Variants in ATRNL1 observed in about 807,000 individuals in gnomAD.
ATRNL1 encodes the protein attractin-like protein 1.
A neutral mutation model predicts 182.7 loss-of-function variants in ATRNL1; 95 were observed. The ratio of observed to expected loss-of-function variants is 0.52; its 90% CI spans 0.44 to 0.62. The LOEUF (loss-of-function observed/expected upper bound fraction) is 0.62, where lower values mean the gene tolerates loss of function less well. Ranked by LOEUF, ATRNL1 falls within the 20% of genes least tolerant of loss-of-function variation. The pLI is 0.00. For synonymous variants in ATRNL1, 576 were observed against 568.3 expected (o/e 1.01, Z -0.19); for missense variants, 1,471 against 1,679.5 (o/e 0.88, Z 2.17).
chr10:115,259,121 C>G (rs1162594745), intron 10 of ATRNL1, among the ~76,000 whole-genome samples: 2 of 152,220 alleles, frequency 1.3e-5, no homozygotes, highest in Non-Finnish European at 2.9e-5. Flanking sequence ...AGAGCTCAAA[C>G]GCCATGCTGG....
In ATRNL1 at chr10:115,688,823, C is replaced by G. The variant is rs573628369; in HGVS notation, c.3796-38425C>G. 2.0e-5 allele frequency among the ~76,000 whole-genome samples: 3 copies of G among 152,108 alleles called. No homozygotes were observed. The East Asian group carries it at 5.8e-4, about 29-fold the overall frequency. Reference sequence around the variant, plus strand: ...GAAACTTTTAAATTTAGTATTATCCCCCCTTTTTTATGATTGTGCTTTTGA... The same window carrying G: ...GAAACTTTTAAATTTAGTATTATCCGCCCTTTTTTATGATTGTGCTTTTGA... On this transcript the variant is annotated intron_variant, in intron 26 of 28. Transcript: ENST00000355044.
intron 26 of ATRNL1, among the ~76,000 whole-genome samples, chr10:115,685,637 A>G (rs1946192678): frequency 6.6e-6 from 1 of 151,914 alleles, no homozygotes; most frequent in Admixed American, 6.6e-5. Flanking sequence ...CAGTCTTTGT[A>G]GACACATGAA....
chr10:115,542,394 G>A (rs1852410200), intron 25 of ATRNL1, among the ~76,000 whole-genome samples: 1 of 152,048 alleles, frequency 6.6e-6, no homozygotes, highest in Admixed American at 6.6e-5. Context: ...CCACGTGGCT[G>A]TGTAGCAAAC....
chr10:115,604,531 T>G (rs1856774716), intron 26 of ATRNL1, among the ~76,000 whole-genome samples: 1 of 151,872 alleles, frequency 6.6e-6, no homozygotes, highest in East Asian at 1.9e-4. Flanking sequence ...TTGGTAAAAA[T>G]TCAAAGAGAT....
In ATRNL1 at chr10:115,467,233, G is replaced by A. The variant is rs868945749; in HGVS notation, c.3477G>A (p.Thr1159=). ...CAAACAACTTTAATCTCAACATTAC[G>A]TGGTCTGTCGGTTCAACAGGTAAAA... ...NASNNFNLNI[T]WSVGSTAGTI... is the part of the protein sequence containing the mutation. Residue 1159 remains threonine, a synonymous_variant, in exon 23 of 29, where the codon ACG becomes ACA. Coordinates refer to ENST00000355044, the MANE Select transcript of ATRNL1 (RefSeq NM_207303.4). 17 of 1,602,322 alleles carry A rather than the reference G, an allele frequency of 1.1e-5. No individual in the cohort carries two copies. The highest frequency in any genetic ancestry group is 1.7e-4 in the Middle Eastern group (1 of 6,042).
chr10:115,106,629 C>T lies in ATRNL1; in HGVS notation c.293+12586C>T, dbSNP rs145079163. The stretch of plus-strand genomic sequence containing the variant: ...GGGCCAGTCTTTCCCGTGCTATTCT[C>T]GTGATAGTGAGTAAGTCTCAACAAT... On this transcript the variant is annotated intron_variant, in intron 1 of 28. Transcript: ENST00000355044. 8.6e-3 allele frequency among the ~76,000 whole-genome samples: 1,309 copies of T among 152,252 alleles called. 19 individuals carry two copies. Among genetic ancestry groups the T allele is most frequent in the African/African-American group, 0.028 (1,163 of 41,536 alleles).
At chr10:115,293,212 T>C (rs1188388376) in intron 15 of ATRNL1, among the ~76,000 whole-genome samples, 8 of 152,152 alleles carry the variant, frequency 5.3e-5, no homozygotes, top group Admixed American at 4.6e-4. Context: ...AATATCTTTT[T>C]TCATCCCTTC....
chr10:115,588,950 G>A (rs1421683703), intron 26 of ATRNL1, among the ~76,000 whole-genome samples: 2 of 152,118 alleles, frequency 1.3e-5, no homozygotes, highest in Non-Finnish European at 2.9e-5. Flanking sequence ...TCCATGTTTA[G>A]CATTCTTTTC....
chr10:115,441,244 T>C (rs1309650196), intron 21 of ATRNL1, among the ~76,000 whole-genome samples: 1 of 151,952 alleles, frequency 6.6e-6, no homozygotes, highest in Non-Finnish European at 1.5e-5. Context: ...ATATATCTTA[T>C]GTTAAAAATA....
intron 27 of ATRNL1, among the ~76,000 whole-genome samples, chr10:115,790,695 T>G (rs1555081591): frequency 6.6e-6 from 1 of 152,154 alleles, no homozygotes; most frequent in Non-Finnish European, 1.5e-5. Context: ...TAGACCAGTA[T>G]GTTTTTAAAA....
At chr10:115,856,171 G>T (rs1555101916) in intron 28 of ATRNL1, among the ~76,000 whole-genome samples, 3 of 152,034 alleles carry the variant, frequency 2.0e-5, no homozygotes, top group African/African-American at 7.2e-5. Context: ...GCTCATGCCT[G>T]TAATCCCAGC....
chr10:115,121,217 A>G (rs1416715167), intron 2 of ATRNL1, among the ~76,000 whole-genome samples: 2 of 152,074 alleles, frequency 1.3e-5, no homozygotes, highest in African/African-American at 4.8e-5. Context: ...AGTTCAAGCA[A>G]TTCTCCTGCC....
At chr10:115,454,331 A>G (rs529994194) in intron 21 of ATRNL1, among the ~76,000 whole-genome samples, 46 of 152,200 alleles carry the variant, frequency 3.0e-4, no homozygotes, top group African/African-American at 1.1e-3. Context: ...AATCAGGGGT[A>G]TGATACCTCC....
chr10:115,656,453 G>T (rs1555035929), intron 26 of ATRNL1, among the ~76,000 whole-genome samples: 1 of 152,048 alleles, frequency 6.6e-6, no homozygotes, highest in East Asian at 1.9e-4. Context: ...TGCATGTTAG[G>T]TTCATTGGCC....
chr10:115,177,325 G>A (rs1440984151), intron 8 of ATRNL1, among the ~76,000 whole-genome samples: 1 of 152,120 alleles, frequency 6.6e-6, no homozygotes, highest in African/African-American at 2.4e-5. Context: ...GAAATGATGG[G>A]TGGAACCAGC....
chr10:115,457,268 GC>G (rs1470249746), intron 21 of ATRNL1, among the ~76,000 whole-genome samples: 1 of 152,018 alleles, frequency 6.6e-6, no homozygotes, highest in Non-Finnish European at 1.5e-5. Context: ...TAAAATGGGG[GC>G]AGGCTGGTAC....
chr10:115,868,873 A>G (rs1307180946), intron 28 of ATRNL1, among the ~76,000 whole-genome samples: 1 of 106,294 alleles, frequency 9.4e-6, no homozygotes, highest in African/African-American at 3.7e-5. Flanking sequence ...TCTGTCGCCC[A>G]GGCTGGAGTG....
intron 28 of ATRNL1, among the ~76,000 whole-genome samples, chr10:115,900,374 CGAT>C (rs1377922041): frequency 2.6e-5 from 4 of 151,886 alleles, no homozygotes; most frequent in Admixed American, 2.6e-4. Context: ...AAATCTCAAA[CGAT>C]GAAAAAATTA....
chr10:115,774,442 A>G (rs2134173851), intron 27 of ATRNL1, among the ~76,000 whole-genome samples: 1 of 151,592 alleles, frequency 6.6e-6, no homozygotes, highest in East Asian at 1.9e-4. Context: ...AAAAAAAAAA[A>G]AAAAAAAAAA....
Sources: allele counts gnomAD v4.1 joint callset (sites outside exome capture counted in the v4.1 genomes callset), GRCh38; gene constraint gnomAD v4.1.1; transcripts MANE v1.5; gene names NCBI Gene and HGNC (gene_info 2026-07-23, HGNC 2026-07-21).